COL11A1: variants seen among roughly 807,000 people sequenced by gnomAD.
COL11A1 encodes the protein collagen alpha-1(XI) chain.
A neutral mutation model predicts 265.2 loss-of-function variants in COL11A1; 74 were observed. That is an observed-to-expected ratio of 0.28 (90% CI 0.23 to 0.34). COL11A1 has a LOEUF of 0.34. Ranked by LOEUF, COL11A1 falls within the 10% of genes least tolerant of loss-of-function variation. The pLI is 1.00. For synonymous variants in COL11A1, 816 were observed against 727.6 expected (o/e 1.12, Z -1.96); for missense variants, 2,165 against 2,263.6 (o/e 0.96, Z 0.88).
At chr1:102,947,320 TA>T (rs1320441529) in intron 41 of COL11A1, among the ~76,000 whole-genome samples, 1 of 152,182 alleles carries the variant, frequency 6.6e-6, no homozygotes, top group African/African-American at 2.4e-5. Context: ...CTCCCTGTAT[TA>T]TAATGAATTG....
At chr1:103,025,669 G>A in intron 6 of COL11A1, 56 bp from the exon 7 acceptor site, 1 of 1,572,986 alleles carries the variant, frequency 6.4e-7, no homozygotes. Context: ...CCAAATGTAT[G>A]GAAATCATGA....
At chr1:102,979,486 G>T (rs1294317311) in intron 31 of COL11A1, 51 bp from the exon 32 acceptor site, 3 of 1,175,890 alleles carry the variant, frequency 2.6e-6, no homozygotes, top group Admixed American at 1.7e-5. Flanking sequence ...AACATTTTCA[G>T]TCACAAGATG....
At chr1:103,077,454 CAAAA>C (rs1015573382) in intron 3 of COL11A1, among the ~76,000 whole-genome samples, 1 of 151,050 alleles carries the variant, frequency 6.6e-6, no homozygotes, top group Non-Finnish European at 1.5e-5. Flanking sequence ...TGCTAACAGT[CAAAA>C]AAAGAAACAC....
chr1:103,038,773 G>A (rs1019595426), intron 4 of COL11A1, among the ~76,000 whole-genome samples: 2 of 152,152 alleles, frequency 1.3e-5, no homozygotes. Flanking sequence ...AATCAATTAG[G>A]AGTTGATTTC....
At position 102,898,190 on chromosome 1, in the gene COL11A1, A is replaced by G; in HGVS notation, c.4249-12T>C. 1 of 1,298,758 alleles carries G rather than the reference A, an allele frequency of 7.7e-7. No individual in the cohort carries two copies. The highest frequency in any genetic ancestry group is 9.9e-7 in the Non-Finnish European group (1 of 1,006,592). 80.5% of individuals were successfully genotyped at this position (1,298,758 alleles called of 1,614,324 possible). On this transcript the variant is annotated splice_polypyrimidine_tract_variant and intron_variant, in intron 56 of 66. Coordinates refer to ENST00000370096, the MANE Select transcript of COL11A1 (RefSeq NM_001854.4). ...AGACCTTGTTCTCCCTAGAGAAAAT[A>G]AAAATGATTGATTTTTAAAATTAAT...
chr1:103,041,167 G>C (rs937132477), intron 4 of COL11A1, among the ~76,000 whole-genome samples: 1 of 151,820 alleles, frequency 6.6e-6, no homozygotes, highest in African/African-American at 2.4e-5. Context: ...ATTAGAATTT[G>C]ACATTTACAT....
intron 1 of COL11A1, among the ~76,000 whole-genome samples, chr1:103,093,828 C>T (rs1046896437): frequency 1.3e-5 from 2 of 152,096 alleles, no homozygotes; most frequent in African/African-American, 4.8e-5. Flanking sequence ...GTCCAAAGTA[C>T]ATCTCTAATT....
At chr1:103,039,255 A>G (rs1043013490) in intron 4 of COL11A1, among the ~76,000 whole-genome samples, 1 of 152,172 alleles carries the variant, frequency 6.6e-6, no homozygotes, top group Non-Finnish European at 1.5e-5. Context: ...CTTTGATATG[A>G]CAGTCCGTAC....
Position 103,018,829 on chromosome 1 carries a change from C to A in COL11A1, c.1339G>T (p.Ala447Ser). The A allele has an allele frequency of 6.2e-7, 1 of 1,612,458 alleles. No homozygotes were observed. The highest frequency in any genetic ancestry group is 1.1e-5 in the South Asian group (1 of 90,946). The change falls in exon 10 of 67, where the codon GCA becomes TCA. Residue 447 changes from alanine (A) to serine (S), a missense_variant. Coordinates refer to ENST00000370096, the MANE Select transcript of COL11A1 (RefSeq NM_001854.4). The stretch of plus-strand genomic sequence containing the variant: ...AAACATTTACATACTGCAGGTCCTG[C>A]TGGTCCTGGTGGTCCTTCGACAAGC... ...GMLVEGPPGP[A>S]GPAGIMGPPG...
chr1:102,914,221 T>C (rs1655036651), intron 52 of COL11A1, 131 bp downstream of exon 52: 1 of 769,600 alleles, frequency 1.3e-6, no homozygotes, highest in Admixed American at 2.6e-5. Flanking sequence ...TGCAATTACT[T>C]TTTATGTTTT....
chr1:102,906,709 ATT>A (rs148059417), intron 54 of COL11A1, among the ~76,000 whole-genome samples: 1 of 147,852 alleles, frequency 6.8e-6, no homozygotes, highest in Non-Finnish European at 1.5e-5. Flanking sequence ...CTGTGTTTCC[ATT>A]TTTTTTTTCT....
chr1:103,038,922 A>G (rs531101098), intron 4 of COL11A1, among the ~76,000 whole-genome samples: 1 of 152,292 alleles, frequency 6.6e-6, no homozygotes, highest in East Asian at 1.9e-4. Flanking sequence ...TGAGACGAGA[A>G]TGATAAGGAA....
At chr1:103,001,884 A>T (rs1421434642) in intron 24 of COL11A1, 41 bp downstream of exon 24, 1 of 1,595,120 alleles carries the variant, frequency 6.3e-7, no homozygotes, top group East Asian at 2.2e-5. Context: ...GCTAAAACAA[A>T]CATGTTCACC....
chr1:102,890,391 C>T (rs1479937899), intron 58 of COL11A1, 60 bp downstream of exon 58: 1 of 1,376,874 alleles, frequency 7.3e-7, no homozygotes. Context: ...TCTGCAAAAG[C>T]AGGGCTATTA....
intron 54 of COL11A1, among the ~76,000 whole-genome samples, 155 bp downstream of exon 54, chr1:102,912,004 T>C (rs1654739067): frequency 6.6e-6 from 1 of 152,250 alleles, no homozygotes. Flanking sequence ...TGTTCTATTT[T>C]AGTTATTATT....
intron 4 of COL11A1, among the ~76,000 whole-genome samples, chr1:103,050,044 A>C (rs1380075132): frequency 6.6e-6 from 1 of 151,846 alleles, no homozygotes; most frequent in Non-Finnish European, 1.5e-5. Flanking sequence ...TTTTTCCTTC[A>C]TTTCAACTTT....
chr1:103,030,646 A>AT (rs1472941754), intron 5 of COL11A1, among the ~76,000 whole-genome samples: 9 of 150,120 alleles, frequency 6.0e-5, no homozygotes, highest in East Asian at 3.9e-4. Flanking sequence ...CCTATGAGAA[A>AT]ATTTTTTTTA....
At position 103,025,443 on chromosome 1, in the gene COL11A1, T is replaced by C. The variant is rs1667434769; in HGVS notation, c.990+78A>G. The C allele has an allele frequency of 1.2e-5, 12 of 1,001,162 alleles. No individual in the cohort carries two copies. In the South Asian group the frequency reaches 1.6e-4, roughly 13 times the overall value. The allele number at this position is 1,001,162 out of a possible 1,614,324, so 62.0% of individuals were successfully genotyped here. On this transcript the variant is annotated intron_variant, in intron 7 of 66. Coordinates refer to ENST00000370096, the MANE Select transcript of COL11A1 (RefSeq NM_001854.4). ...CAGATGTTTGAGAAATTATAGATTC[T>C]TCCAGAGTGAAGTATATCAAAATAA...
chr1:103,027,451 A>C (rs1207229137), intron 5 of COL11A1, among the ~76,000 whole-genome samples: 1 of 127,582 alleles, frequency 7.8e-6, no homozygotes, highest in Admixed American at 8.2e-5. Flanking sequence ...ATATGCATGC[A>C]TGCCGGGGCA....
Sources: gnomAD v4.1 joint callset for allele counts (sites outside exome capture counted in the v4.1 genomes callset) on GRCh38, gnomAD v4.1.1 for gene constraint, MANE v1.5 for transcripts, NCBI Gene and HGNC (gene_info 2026-07-23, HGNC 2026-07-21) for gene names.